The following PTGFR variants were observed in gnomAD, a reference collection of about 807,000 sequenced individuals.
PTGFR encodes prostaglandin F2-alpha receptor.
A neutral mutation model predicts 26.2 loss-of-function variants in PTGFR; 15 were observed. That is an observed-to-expected ratio of 0.57 (90% confidence interval 0.38 to 0.88). The LOEUF (loss-of-function observed/expected upper bound fraction) is 0.88, where lower values mean the gene tolerates loss of function less well. Ranked by LOEUF, PTGFR falls within the 40% of genes least tolerant of loss-of-function variation. The pLI is 0.00. For missense variants in PTGFR, 369 were observed against 427.2 expected (o/e 0.86, Z 1.20); for synonymous variants, 165 against 151.1 (o/e 1.09, Z -0.68).
chr1:78,526,709 C>A (rs1650383209), intron 2 of PTGFR, among the ~76,000 whole-genome samples: 1 of 152,018 alleles, frequency 6.6e-6, no homozygotes, highest in South Asian at 2.1e-4. Flanking sequence ...TAGTCAGTGG[C>A]ATGACAAGGA....
In PTGFR at chr1:78,528,134, G is replaced by A. The variant is rs1453657072; in HGVS notation, c.799-8272G>A. Among the ~76,000 whole-genome samples, 16 of 151,834 alleles carry A rather than the reference G, an allele frequency of 1.1e-4. 1 individual carries two copies. Among genetic ancestry groups the A allele is most frequent in the Admixed American group, 1.1e-3 (16 of 15,208 alleles). On this transcript the variant is annotated intron_variant, in intron 2 of 2. Coordinates refer to ENST00000370757, the MANE Select transcript of PTGFR (RefSeq NM_000959.4). The stretch of plus-strand genomic sequence containing the variant: ...AAAAGGCTGAAAATTACATGGGAGA[G>A]AGTAAATATGATCAGAGATTTGACC...
chr1:78,529,279 T>C lies in PTGFR; in HGVS notation c.799-7127T>C, dbSNP rs180757170. Among the ~76,000 whole-genome samples, 704 of 152,308 alleles carry C rather than the reference T, an allele frequency of 4.6e-3. 4 individuals carry two copies. The highest frequency in any genetic ancestry group is 6.8e-3 in the South Asian group (33 of 4,830). On this transcript the variant is annotated intron_variant, in intron 2 of 2. Transcript: ENST00000370757. ...AAGTAGCCTTTTATTCCTGAATCATTGTACCTCCAATATTACAACTAATTA... is the reference window on the plus strand; with the variant it reads ...AAGTAGCCTTTTATTCCTGAATCATCGTACCTCCAATATTACAACTAATTA...
chr1:78,522,554 G>A (rs1650272737), intron 2 of PTGFR, among the ~76,000 whole-genome samples: 1 of 152,006 alleles, frequency 6.6e-6, no homozygotes, highest in African/African-American at 2.4e-5. Context: ...ATGTATTAGA[G>A]AGGCTCTATC....
Position 78,529,907 on chromosome 1 carries a change from T to A in PTGFR, c.799-6499T>A, listed in dbSNP as rs535639495. ...CCTACTGTGAACACATGGGAGGGATTTAGATTGCACGCTCCTTATGAGAAT... is the reference window on the plus strand; with the variant it reads ...CCTACTGTGAACACATGGGAGGGATATAGATTGCACGCTCCTTATGAGAAT... On this transcript the variant is annotated intron_variant, in intron 2 of 2. Coordinates refer to ENST00000370757, the MANE Select transcript of PTGFR (RefSeq NM_000959.4). Among the ~76,000 whole-genome samples the A allele has an allele frequency of 3.4e-4, 51 of 152,228 alleles. 2 individuals carry two copies. The South Asian group carries it at 0.01, about 31-fold the overall frequency.
chr1:78,515,601 T>C (rs1650074193), intron 2 of PTGFR, among the ~76,000 whole-genome samples: 1 of 152,224 alleles, frequency 6.6e-6, no homozygotes, highest in African/African-American at 2.4e-5. Flanking sequence ...ATTGGAGAAA[T>C]TACAATTCTG....
intron 2 of PTGFR, chr1:78,497,945 G>A (rs371058558): frequency 1.3e-6 from 2 of 1,579,702 alleles, no homozygotes; most frequent in South Asian, 2.2e-5. Flanking sequence ...TCTTACATAG[G>A]TGAGTTTACC....
intron 2 of PTGFR, among the ~76,000 whole-genome samples, chr1:78,497,026 T>A (rs1323622293): frequency 6.6e-6 from 1 of 152,144 alleles, no homozygotes; most frequent in East Asian, 1.9e-4. Flanking sequence ...TGTTGTACAT[T>A]CTATGGGTTT....
chr1:78,491,646 T>G (rs1178739811), intron 1 of PTGFR, among the ~76,000 whole-genome samples: 2 of 152,178 alleles, frequency 1.3e-5, no homozygotes, highest in Non-Finnish European at 2.9e-5. Flanking sequence ...TTGGAGGGAA[T>G]GTTGCGAGGC....
chr1:78,492,607 G>A lies in PTGFR; in HGVS notation c.-72-65G>A, dbSNP rs1649432550. 1.4e-5 allele frequency: 12 copies of A among 849,414 alleles called. No individual in the cohort carries two copies. In the South Asian group the frequency reaches 2.0e-4, roughly 14 times the overall value. 52.6% of individuals were successfully genotyped at this position (849,414 alleles called of 1,614,324 possible). On this transcript the variant is annotated intron_variant, in intron 1 of 2. Coordinates refer to ENST00000370757, the MANE Select transcript of PTGFR (RefSeq NM_000959.4). Reference sequence around the variant, plus strand: ...ATCCCACCACCGGGTGCTGGGGCACGTCAGTCATAAACGTCAGATGAGCAG... The same window carrying A: ...ATCCCACCACCGGGTGCTGGGGCACATCAGTCATAAACGTCAGATGAGCAG...
chr1:78,528,294 C>CAAAAAAAAAAAA (rs35137595), intron 2 of PTGFR, among the ~76,000 whole-genome samples: 11 of 20,116 alleles, frequency 5.5e-4, no homozygotes, highest in Non-Finnish European at 1.0e-3. Context: ...AGAAAGTTAG[C>CAAAAAAAAAAAA]AAAAAAAAAA....
chr1:78,524,242 C>T (rs1005441876), intron 2 of PTGFR, among the ~76,000 whole-genome samples: 4 of 152,042 alleles, frequency 2.6e-5, no homozygotes, highest in Non-Finnish European at 4.4e-5. Flanking sequence ...AACAACTGCA[C>T]ACACATAGGG....
intron 2 of PTGFR, among the ~76,000 whole-genome samples, chr1:78,531,731 C>T (rs1001501806): frequency 6.6e-6 from 1 of 152,042 alleles, no homozygotes; most frequent in African/African-American, 2.4e-5. Flanking sequence ...CCTCCTAACT[C>T]CTGTGCTTGT....
chr1:78,525,219 T>C (rs1452867447), intron 2 of PTGFR, among the ~76,000 whole-genome samples: 1 of 151,896 alleles, frequency 6.6e-6, no homozygotes, highest in Non-Finnish European at 1.5e-5. Context: ...TTCATAGATA[T>C]ATAGCAGAGT....
intron 2 of PTGFR, 151 bp downstream of exon 2, chr1:78,493,692 T>TG (rs1237899566): frequency 1.4e-6 from 1 of 719,396 alleles, no homozygotes; most frequent in African/African-American, 1.8e-5. Context: ...ACATGACATA[T>TG]GACACATATG....
chr1:78,502,545 C>T (rs1649734531), intron 2 of PTGFR, among the ~76,000 whole-genome samples: 1 of 152,086 alleles, frequency 6.6e-6, no homozygotes, highest in Admixed American at 6.5e-5. Context: ...ATAACAAGTA[C>T]CATATGCTTC....
intron 2 of PTGFR, among the ~76,000 whole-genome samples, chr1:78,531,675 A>G (rs1008158121): frequency 6.6e-6 from 1 of 151,970 alleles, no homozygotes; most frequent in Non-Finnish European, 1.5e-5. Context: ...CTTAAATCCA[A>G]CTTGACTCTT....
At chr1:78,524,090 G>A (rs955050847) in intron 2 of PTGFR, among the ~76,000 whole-genome samples, 186 of 152,162 alleles carry the variant, frequency 1.2e-3, no homozygotes, top group Non-Finnish European at 1.7e-3. Context: ...TGGGCAGCTG[G>A]TGGAGTCGCT....
intron 2 of PTGFR, among the ~76,000 whole-genome samples, chr1:78,501,817 C>T (rs542132228): frequency 2.0e-5 from 3 of 152,020 alleles, no homozygotes; most frequent in African/African-American, 4.8e-5. Context: ...TGTGCATATC[C>T]GTGATTATAA....
chr1:78,497,346 C>A (rs1649578543), intron 2 of PTGFR, among the ~76,000 whole-genome samples: 1 of 152,066 alleles, frequency 6.6e-6, no homozygotes, highest in African/African-American at 2.4e-5. Flanking sequence ...CATTTAGCAA[C>A]AAGTTAATTC....
Sources: allele counts gnomAD v4.1 joint callset (sites outside exome capture counted in the v4.1 genomes callset), GRCh38; gene constraint gnomAD v4.1.1; transcripts MANE v1.5; gene names NCBI Gene and HGNC (gene_info 2026-07-23, HGNC 2026-07-21).